UBTD1: variants seen among roughly 807,000 people sequenced by gnomAD.
The protein encoded by UBTD1 is ubiquitin domain-containing protein 1.
UBTD1 carries 19 observed loss-of-function variants against 21.7 expected under a neutral mutation model. The ratio of observed to expected loss-of-function variants is 0.87; its 90% confidence interval spans 0.61 to 1.28. UBTD1 has a LOEUF of 1.28. Among genes scored for constraint, UBTD1 ranks in the 50% most tolerant of loss-of-function variants. UBTD1 has a pLI of 0.00. For synonymous variants in UBTD1, 116 were observed against 135.1 expected, an observed-to-expected ratio of 0.86 and a Z score of 0.98; for missense variants, 282 against 315.1, an observed-to-expected ratio of 0.89 and a Z score of 0.80.
intron 1 of UBTD1, among the ~76,000 whole-genome samples, chr10:97,550,217 C>A (rs934224528): frequency 6.6e-6 from 1 of 152,220 alleles, no homozygotes; most frequent in Non-Finnish European, 1.5e-5. Context: ...GGGAAGGACA[C>A]TGTTGGCCCC....
At chr10:97,502,835 GTA>G (rs1296150866) in intron 1 of UBTD1, among the ~76,000 whole-genome samples, 2 of 147,008 alleles carry the variant, frequency 1.4e-5, no homozygotes, top group African/African-American at 2.6e-5. Flanking sequence ...GTGTGTGTGC[GTA>G]TGTGTGTATA....
intron 1 of UBTD1, among the ~76,000 whole-genome samples, chr10:97,524,665 T>C (rs567237958): frequency 2.4e-4 from 37 of 152,348 alleles, no homozygotes; most frequent in African/African-American, 8.7e-4. Flanking sequence ...GGAGTTTGTT[T>C]TTCTGTCTCA....
intron 1 of UBTD1, among the ~76,000 whole-genome samples, chr10:97,536,341 C>T (rs572784516): frequency 3.4e-4 from 51 of 152,106 alleles, no homozygotes; most frequent in African/African-American, 9.9e-4. Flanking sequence ...ACAAGGTCTT[C>T]GTCATGACAC....
intron 1 of UBTD1, among the ~76,000 whole-genome samples, chr10:97,537,107 A>G (rs919281559): frequency 6.6e-6 from 1 of 151,806 alleles, no homozygotes; most frequent in Non-Finnish European, 1.5e-5. Context: ...TTAAACCTTG[A>G]GACACACTTT....
intron 1 of UBTD1, among the ~76,000 whole-genome samples, chr10:97,518,341 C>T (rs115917279): frequency 0.012 from 1,803 of 152,290 alleles, 37 homozygotes; most frequent in African/African-American, 0.041. Flanking sequence ...GGTTCTTTCT[C>T]CCTAGCTGCC....
chr10:97,507,543 G>C (rs554010017), intron 1 of UBTD1, among the ~76,000 whole-genome samples: 8 of 151,886 alleles, frequency 5.3e-5, no homozygotes, highest in African/African-American at 1.9e-4. Flanking sequence ...GGGAGGCTGA[G>C]CCGGGCAGAT....
chr10:97,541,025 G>T (rs1298729430), intron 1 of UBTD1, among the ~76,000 whole-genome samples: 2 of 152,154 alleles, frequency 1.3e-5, no homozygotes, highest in African/African-American at 4.8e-5. Flanking sequence ...GAGTTGGTAG[G>T]CATGACGGGG....
intron 1 of UBTD1, among the ~76,000 whole-genome samples, chr10:97,540,017 G>A (rs1019146602): frequency 2.6e-5 from 4 of 152,168 alleles, no homozygotes; most frequent in Admixed American, 6.5e-5. Context: ...CTCTCCTGAG[G>A]GGCTGCCACC....
chr10:97,537,341 C>T (rs1179034953), intron 1 of UBTD1, among the ~76,000 whole-genome samples: 1 of 152,080 alleles, frequency 6.6e-6, no homozygotes, highest in Admixed American at 6.5e-5. Flanking sequence ...CCTTGGGGGT[C>T]GGGTGGTAGG....
intron 1 of UBTD1, among the ~76,000 whole-genome samples, chr10:97,537,365 C>G (rs1332550208): frequency 6.6e-6 from 1 of 152,128 alleles, no homozygotes; most frequent in Non-Finnish European, 1.5e-5. Context: ...TGCTCCCAGG[C>G]CAAGCCCATT....
chr10:97,548,570 C>T lies in UBTD1; in HGVS notation c.71-19344C>T, dbSNP rs1485380470. On this transcript the variant is annotated intron_variant, in intron 1 of 2. Transcript: ENST00000370664. ...CAGCACTTTGAAAGGCCAAGGCAGG[C>T]GGATCACTTGAGGCCAGGAGTTCAA... Among the ~76,000 whole-genome samples, 6 of 152,258 alleles carry T rather than the reference C, an allele frequency of 3.9e-5. No homozygotes were observed. The South Asian group carries it at 1.2e-3, about 32-fold the overall frequency.
At chr10:97,556,687 A>C (rs1428423802) in intron 1 of UBTD1, among the ~76,000 whole-genome samples, 1 of 152,236 alleles carries the variant, frequency 6.6e-6, no homozygotes, top group Non-Finnish European at 1.5e-5. Flanking sequence ...TTTTATGGGC[A>C]GTAAGAAGAA....
At chr10:97,560,672 C>T (rs1171036998) in intron 1 of UBTD1, among the ~76,000 whole-genome samples, 1 of 152,152 alleles carries the variant, frequency 6.6e-6, no homozygotes, top group Non-Finnish European at 1.5e-5. Context: ...GTCTATTTCA[C>T]ACAAAGTTCT....
At chr10:97,517,869 CTGTGTG>C (rs201615403) in intron 1 of UBTD1, among the ~76,000 whole-genome samples, 1 of 151,896 alleles carries the variant, frequency 6.6e-6, no homozygotes, top group Non-Finnish European at 1.5e-5. Context: ...CCTGGTGGTG[CTGTGTG>C]TGTGTGGAGA....
In UBTD1 at chr10:97,505,876, C is replaced by G. The variant is rs1342588220; in HGVS notation, c.70+6603C>G. Among the ~76,000 whole-genome samples the G allele has an allele frequency of 2.6e-5, 4 of 152,208 alleles. No homozygotes were observed. In the East Asian group the frequency reaches 5.8e-4, roughly 22 times the overall value. On this transcript the variant is annotated intron_variant, in intron 1 of 2. Transcript: ENST00000370664. Reference sequence around the variant, plus strand: ...AAGCCATAGCCAGTGATTTTTCCCACTAGATCATTGAAGCTTACTCTTTTT... The same window carrying G: ...AAGCCATAGCCAGTGATTTTTCCCAGTAGATCATTGAAGCTTACTCTTTTT...
At chr10:97,503,558 A>G (rs2040386557) in intron 1 of UBTD1, among the ~76,000 whole-genome samples, 1 of 152,038 alleles carries the variant, frequency 6.6e-6, no homozygotes, top group Non-Finnish European at 1.5e-5. Flanking sequence ...CTGGAATCTC[A>G]AGCTCGGGGT....
intron 1 of UBTD1, among the ~76,000 whole-genome samples, chr10:97,562,942 T>C (rs113198168): frequency 0.016 from 2,379 of 152,168 alleles, 62 homozygotes; most frequent in African/African-American, 0.055. Flanking sequence ...GGAGAGATAA[T>C]GGGCGATGTT....
intron 1 of UBTD1, among the ~76,000 whole-genome samples, chr10:97,535,840 G>T (rs1280601622): frequency 6.6e-6 from 1 of 151,696 alleles, no homozygotes; most frequent in Non-Finnish European, 1.5e-5. Context: ...ATCGCTTGAT[G>T]CCAAGTGTTC....
chr10:97,527,242 G>T (rs1340126261), intron 1 of UBTD1, among the ~76,000 whole-genome samples: 1 of 146,124 alleles, frequency 6.8e-6, no homozygotes. Context: ...TCCCATATGC[G>T]TTGGGAGGCC....
Sources: gnomAD v4.1 joint callset for allele counts (sites outside exome capture counted in the v4.1 genomes callset) on GRCh38, gnomAD v4.1.1 for gene constraint, MANE v1.5 for transcripts, NCBI Gene and HGNC (gene_info 2026-07-23, HGNC 2026-07-21) for gene names.